The following DPYD variants were observed in gnomAD, a reference collection of about 807,000 sequenced individuals.
DPYD encodes the protein dihydropyrimidine dehydrogenase.
A neutral mutation model predicts 116.2 loss-of-function variants in DPYD; 109 were observed. The ratio of observed to expected loss-of-function variants is 0.94; its 90% CI spans 0.80 to 1.10. The LOEUF (loss-of-function observed/expected upper bound fraction) is 1.10, where lower values mean the gene tolerates loss of function less well. Among genes scored for constraint, DPYD ranks in the 50% least tolerant of loss-of-function variants. The pLI, the probability that DPYD is intolerant of heterozygous loss-of-function variation, is 0.00. For missense variants in DPYD, 1,302 were observed against 1,254.5 expected (o/e 1.04, Z -0.57); for synonymous variants, 440 against 432.0 (o/e 1.02, Z -0.23).
chr1:97,173,237 C>T (rs1230835531), intron 20 of DPYD, among the ~76,000 whole-genome samples: 1 of 110,062 alleles, frequency 9.1e-6, no homozygotes, highest in East Asian at 3.4e-4. Context: ...TATATGCGCA[C>T]ACATATATGT....
At chr1:97,882,889 T>C (rs1327859736) in intron 2 of DPYD, among the ~76,000 whole-genome samples, 1 of 152,070 alleles carries the variant, frequency 6.6e-6, no homozygotes, top group Non-Finnish European at 1.5e-5. Context: ...TTCTGTATCA[T>C]TGTGTCATTA....
chr1:97,632,515 C>T (rs1257575040), intron 8 of DPYD, among the ~76,000 whole-genome samples: 1 of 152,068 alleles, frequency 6.6e-6, no homozygotes, highest in Non-Finnish European at 1.5e-5. Context: ...ATGAGAGTAA[C>T]AAATATTTTA....
chr1:97,787,603 C>A (rs1557961596), intron 3 of DPYD, among the ~76,000 whole-genome samples: 1 of 152,000 alleles, frequency 6.6e-6, no homozygotes, highest in Non-Finnish European at 1.5e-5. Flanking sequence ...AATAATGATC[C>A]TTCTGCAATT....
At chr1:97,525,483 A>C (rs1230733373) in intron 12 of DPYD, among the ~76,000 whole-genome samples, 1 of 152,092 alleles carries the variant, frequency 6.6e-6, no homozygotes, top group Non-Finnish European at 1.5e-5. Context: ...TAATTTCAGC[A>C]CCTAGCATAA....
chr1:97,472,297 C>G (rs961157887), intron 13 of DPYD, among the ~76,000 whole-genome samples: 2 of 152,154 alleles, frequency 1.3e-5, no homozygotes, highest in Non-Finnish European at 2.9e-5. Context: ...GATTAACTAC[C>G]CAGCACTCCT....
chr1:97,407,441 A>G (rs1000624002), intron 14 of DPYD, among the ~76,000 whole-genome samples: 1 of 152,118 alleles, frequency 6.6e-6, no homozygotes, highest in Non-Finnish European at 1.5e-5. Flanking sequence ...CCTGGCGTGT[A>G]CATTAGTGGT....
chr1:97,199,596 G>T (rs1221238986), intron 19 of DPYD, among the ~76,000 whole-genome samples: 1 of 151,574 alleles, frequency 6.6e-6, no homozygotes, highest in Non-Finnish European at 1.5e-5. Flanking sequence ...CAGAGGAAAG[G>T]CATGGACCTT....
intron 2 of DPYD, 105 bp from the exon 3 acceptor site, chr1:97,828,301 G>C: frequency 1.0e-6 from 1 of 967,044 alleles, no homozygotes; most frequent in Non-Finnish European, 1.6e-6. Context: ...ATGGACTCAT[G>C]AAAAATATGC....
intron 13 of DPYD, among the ~76,000 whole-genome samples, chr1:97,467,356 C>T (rs1677390721): frequency 6.6e-6 from 1 of 152,224 alleles, no homozygotes; most frequent in Non-Finnish European, 1.5e-5. Context: ...TCTTCCTTAA[C>T]TGATTGCAAA....
At chr1:97,586,465 CATATATATATAT>C (rs57301424) in intron 10 of DPYD, among the ~76,000 whole-genome samples, 1,915 of 34,236 alleles carry the variant, frequency 0.056, 72 homozygotes, top group East Asian at 0.13. Context: ...TACATACATA[CATATATATATAT>C]ATATATATAT....
At chr1:97,324,728 T>C (rs1668626453) in intron 16 of DPYD, among the ~76,000 whole-genome samples, 1 of 152,064 alleles carries the variant, frequency 6.6e-6, no homozygotes, top group South Asian at 2.1e-4. Context: ...TTTTAATATG[T>C]CATAATGAGT....
At chr1:97,878,121 C>T (rs901807172) in intron 2 of DPYD, among the ~76,000 whole-genome samples, 1 of 151,950 alleles carries the variant, frequency 6.6e-6, no homozygotes, top group Admixed American at 6.6e-5. Flanking sequence ...GCTAAATTCT[C>T]ATCTCTGCCT....
At chr1:97,420,283 C>T (rs1310681758) in intron 14 of DPYD, 1 of 152,198 alleles carries the variant, frequency 6.6e-6, no homozygotes, top group African/African-American at 2.4e-5. Flanking sequence ...GATACTGCGT[C>T]GAAGGGAGGC....
chr1:97,812,615 C>T (rs541912309), intron 3 of DPYD, among the ~76,000 whole-genome samples: 11 of 151,998 alleles, frequency 7.2e-5, no homozygotes, highest in African/African-American at 2.4e-4. Flanking sequence ...TAAAACTTGG[C>T]TTATGGAGAG....
At chr1:97,372,547 CTTG>C (rs772879850) in intron 16 of DPYD, among the ~76,000 whole-genome samples, 2 of 152,280 alleles carry the variant, frequency 1.3e-5, no homozygotes, top group Admixed American at 6.5e-5. Context: ...ACCCTCCTTT[CTTG>C]TTGTTACATA....
intron 14 of DPYD, among the ~76,000 whole-genome samples, chr1:97,413,542 C>T (rs1330177137): frequency 6.6e-6 from 1 of 152,134 alleles, no homozygotes; most frequent in Non-Finnish European, 1.5e-5. Flanking sequence ...CGGCTCACTG[C>T]AACTTCTGCC....
intron 10 of DPYD, among the ~76,000 whole-genome samples, chr1:97,583,861 C>G (rs866386430): frequency 1.8e-4 from 27 of 152,010 alleles, no homozygotes; most frequent in African/African-American, 6.5e-4. Flanking sequence ...GTGAATAGTG[C>G]CGCAATAAAC....
intron 8 of DPYD, among the ~76,000 whole-genome samples, chr1:97,617,964 G>C (rs541641539): frequency 6.6e-6 from 1 of 152,100 alleles, no homozygotes; most frequent in Non-Finnish European, 1.5e-5. Flanking sequence ...TGCCACTTGG[G>C]TCCCCAAAAT....
intron 21 of DPYD, among the ~76,000 whole-genome samples, chr1:97,087,385 C>G (rs1294308046): frequency 2.0e-5 from 3 of 152,142 alleles, no homozygotes; most frequent in African/African-American, 2.4e-5. Flanking sequence ...TGGCAGAACT[C>G]TAATAACTAA....
Sources: allele counts gnomAD v4.1 joint callset (sites outside exome capture counted in the v4.1 genomes callset), GRCh38; gene constraint gnomAD v4.1.1; transcripts MANE v1.5; gene names NCBI Gene and HGNC (gene_info 2026-07-23, HGNC 2026-07-21).